The following EFR3B variants were observed in gnomAD, a reference collection of about 807,000 sequenced individuals.
EFR3B encodes the protein EFR3 homolog B.
A neutral mutation model predicts 104.7 loss-of-function variants in EFR3B; 64 were observed. The ratio of observed to expected loss-of-function variants is 0.61; its 90% confidence interval spans 0.50 to 0.75. The LOEUF (loss-of-function observed/expected upper bound fraction) is 0.75, where lower values mean the gene tolerates loss of function less well. EFR3B is among the 30% of genes least tolerant of loss of function. The pLI, the probability that EFR3B is intolerant of heterozygous loss-of-function variation, is 0.00. For synonymous variants in EFR3B, 385 were observed against 417.9 expected (o/e 0.92, Z 0.96); for missense variants, 750 against 1,078.5 (o/e 0.70, Z 4.27).
intron 5 of EFR3B, among the ~76,000 whole-genome samples, chr2:25,125,966 A>G (rs896846228): frequency 6.6e-6 from 1 of 152,238 alleles, no homozygotes; most frequent in African/African-American, 2.4e-5. Context: ...GCAACTGGCA[A>G]CTCAACCTTG....
At position 25,042,757 on chromosome 2, in the gene EFR3B, AGGCGGCGCC is replaced by A. The variant is rs1270469133; in HGVS notation, c.7+447_7+455del. ...GTCTGCGCGGCTCGGAGAAGGCGGG[AGGCGGCGCC>A]GGCGGCGCAGAGGCCCGGGGAGCAG... On this transcript the variant is annotated intron_variant, in intron 1 of 22. Transcript: ENST00000403714. This position sits in a 1 kb window ranked among gnomAD's most constrained non-coding sequence, Gnocchi z 5.4. The A allele has an allele frequency of 3.0e-5, 29 of 953,168 alleles. No individual in the cohort carries two copies. Among genetic ancestry groups the A allele is most frequent in the South Asian group, 9.7e-5 (2 of 20,630 alleles). 59.0% of individuals were successfully genotyped at this position (953,168 alleles called of 1,614,324 possible).
chr2:25,124,082 C>T (rs148458469), intron 5 of EFR3B, among the ~76,000 whole-genome samples: 2 of 152,318 alleles, frequency 1.3e-5, no homozygotes, highest in East Asian at 1.9e-4. Context: ...CCCCTCCCTG[C>T]ACCCCTTTTT....
intron 1 of EFR3B, chr2:25,058,090 T>G (rs1668074107): frequency 6.6e-6 from 1 of 152,154 alleles, no homozygotes; most frequent in African/African-American, 2.4e-5. Flanking sequence ...GGCGGGATGA[T>G]CACTGGAGCC....
At chr2:25,108,025 G>A (rs1274037535) in intron 4 of EFR3B, among the ~76,000 whole-genome samples, 1 of 151,920 alleles carries the variant, frequency 6.6e-6, no homozygotes, top group East Asian at 1.9e-4. Context: ...GTAGGGATGG[G>A]GTTTCACCAT....
chr2:25,052,175 A>G (rs1667889719), intron 1 of EFR3B, among the ~76,000 whole-genome samples: 1 of 151,946 alleles, frequency 6.6e-6, no homozygotes, highest in African/African-American at 2.4e-5. Flanking sequence ...CAGCCTGGGC[A>G]ACAAGAGTGA....
intron 4 of EFR3B, among the ~76,000 whole-genome samples, chr2:25,106,371 C>A (rs1189156342): frequency 6.6e-6 from 1 of 152,036 alleles, no homozygotes; most frequent in Non-Finnish European, 1.5e-5. Context: ...CTCACTGCAA[C>A]CTCCGCCTCC....
At chr2:25,087,465 G>A (rs1293633996) in intron 1 of EFR3B, among the ~76,000 whole-genome samples, 1 of 150,088 alleles carries the variant, frequency 6.7e-6, no homozygotes, top group Non-Finnish European at 1.5e-5. Context: ...TTTTGACGGC[G>A]CCTTTTGAAG....
At chr2:25,054,752 G>T (rs1029688097) in intron 1 of EFR3B, among the ~76,000 whole-genome samples, 4 of 152,136 alleles carry the variant, frequency 2.6e-5, no homozygotes, top group Non-Finnish European at 5.9e-5. Context: ...TAGTAAGAAC[G>T]TAGAAACAGG....
intron 1 of EFR3B, chr2:25,079,793 C>T (rs961944150): frequency 3.0e-6 from 2 of 667,476 alleles, no homozygotes; most frequent in Non-Finnish European, 5.7e-6. Context: ...TGTATACCTA[C>T]ATGGCAATTA....
At chr2:25,101,896 T>TCAAAA (rs1208496978) in intron 3 of EFR3B, among the ~76,000 whole-genome samples, 1 of 152,212 alleles carries the variant, frequency 6.6e-6, no homozygotes, top group Non-Finnish European at 1.5e-5. Flanking sequence ...TGTTAGAAGT[T>TCAAAA]CAAAACAAAA....
intron 4 of EFR3B, among the ~76,000 whole-genome samples, chr2:25,105,962 G>A (rs1669550156): frequency 6.6e-6 from 1 of 152,246 alleles, no homozygotes. Context: ...ATAAGGACAA[G>A]CTATTGTCAG....
intron 11 of EFR3B, 61 bp downstream of exon 11, chr2:25,133,075 C>G: frequency 7.0e-7 from 1 of 1,435,760 alleles, no homozygotes; most frequent in Non-Finnish European, 9.6e-7. Flanking sequence ...TTTTCTGACC[C>G]CCTCCTTTAT....
At chr2:25,065,082 G>C (rs866158317) in intron 1 of EFR3B, among the ~76,000 whole-genome samples, 6 of 152,226 alleles carry the variant, frequency 3.9e-5, no homozygotes, top group Non-Finnish European at 5.9e-5. Flanking sequence ...CACCTGGCGG[G>C]GGGGGCGGGG....
Position 25,080,231 on chromosome 2 carries a change from C to G in EFR3B, c.8-11094C>G, listed in dbSNP as rs958575534. 2.6e-6 allele frequency: 4 copies of G among 1,544,996 alleles called. No homozygotes were observed. The East Asian group carries it at 1.0e-4, about 39-fold the overall frequency. ...TTAAATGCTTCTGTTACTTGATGGA[C>G]TGTAGCACCACCACCAACATCAAGG... On this transcript the variant is annotated intron_variant, in intron 1 of 22. Transcript: ENST00000403714.
At chr2:25,073,161 G>A (rs1398663587) in intron 1 of EFR3B, among the ~76,000 whole-genome samples, 1 of 152,042 alleles carries the variant, frequency 6.6e-6, no homozygotes, top group Non-Finnish European at 1.5e-5. Context: ...AGAGGACCAG[G>A]GAGCTGCCAG....
intron 1 of EFR3B, among the ~76,000 whole-genome samples, chr2:25,044,089 A>G (rs1325965837): frequency 2.0e-5 from 3 of 152,262 alleles, no homozygotes; most frequent in Non-Finnish European, 1.5e-5. Flanking sequence ...TTTCAGACAC[A>G]TCTCAGGTTT....
In EFR3B at chr2:25,136,839, C is replaced by T. The variant is rs1440444565; in HGVS notation, c.1560+241C>T. ...GCTGAGGCAGGAGAATCGCTTGAACCCAGAAGGTGGAGGTTGCAGTGAACC... is the reference window on the plus strand; with the variant it reads ...GCTGAGGCAGGAGAATCGCTTGAACTCAGAAGGTGGAGGTTGCAGTGAACC... On this transcript the variant is annotated intron_variant, in intron 14 of 22. Transcript: ENST00000403714. This position sits in a 1 kb window ranked among gnomAD's most constrained non-coding sequence, Gnocchi z 4.0. Among the ~76,000 whole-genome samples the T allele has an allele frequency of 3.9e-5, 6 of 152,192 alleles. No individual in the cohort carries two copies. The highest frequency in any genetic ancestry group is 3.9e-4 in the Admixed American group (6 of 15,280).
chr2:25,074,420 C>T (rs1217664809), intron 1 of EFR3B, among the ~76,000 whole-genome samples: 1 of 152,016 alleles, frequency 6.6e-6, no homozygotes, highest in Admixed American at 6.6e-5. Flanking sequence ...CAAAAATTAG[C>T]CAGGCGTGGT....
chr2:25,100,445 C>G (rs1343359226), intron 3 of EFR3B, among the ~76,000 whole-genome samples: 1 of 152,166 alleles, frequency 6.6e-6, no homozygotes, highest in Non-Finnish European at 1.5e-5. Flanking sequence ...TGACCTGATT[C>G]CTGGGCACCC....
Sources: allele counts gnomAD v4.1 joint callset (sites outside exome capture counted in the v4.1 genomes callset), GRCh38; gene constraint gnomAD v4.1.1; non-coding constraint Gnocchi (gnomAD v3.1); transcripts MANE v1.5; gene names NCBI Gene and HGNC (gene_info 2026-07-23, HGNC 2026-07-21).